The following NUFIP1 variants were observed in gnomAD, a reference collection of about 807,000 sequenced individuals.
The protein encoded by NUFIP1 is FMR1-interacting protein NUFIP1.
In NUFIP1, 38 loss-of-function variants were observed where a neutral mutation model predicts 56.2. That is an observed-to-expected ratio of 0.68 (90% CI 0.52 to 0.89). The LOEUF is 0.89. Among genes scored for constraint, NUFIP1 ranks in the 40% least tolerant of loss-of-function variants. The probability of loss-of-function intolerance (pLI) is 0.00; values close to 1 mark genes in which losing one functional copy is unlikely to be tolerated. For missense variants in NUFIP1, 567 were observed against 605.8 expected, an observed-to-expected ratio of 0.94 and a Z score of 0.67; for synonymous variants, 215 against 212.4, an observed-to-expected ratio of 1.01 and a Z score of -0.10.
chr13:44,945,491 C>T (rs964287382), intron 8 of NUFIP1, among the ~76,000 whole-genome samples: 10 of 151,896 alleles, frequency 6.6e-5, no homozygotes, highest in Non-Finnish European at 8.8e-5. Flanking sequence ...GGAAATAGAT[C>T]CCTACTCATA....
chr13:44,958,556 G>A (rs866426667), intron 7 of NUFIP1, among the ~76,000 whole-genome samples: 5 of 151,918 alleles, frequency 3.3e-5, no homozygotes, highest in Non-Finnish European at 5.9e-5. Flanking sequence ...CTTGCCACTC[G>A]TAAGTTCAAA....
At chr13:44,981,797 G>A (rs1227749566) in intron 2 of NUFIP1, among the ~76,000 whole-genome samples, 2 of 151,984 alleles carry the variant, frequency 1.3e-5, no homozygotes, top group East Asian at 3.8e-4. Flanking sequence ...GGGCGACAGA[G>A]TGAAACTCCA....
rs756095075 is a variant in NUFIP1 at position 44,979,866 on chromosome 13, A to G, written c.657+24T>C. 1.8e-5 allele frequency: 28 copies of G among 1,545,092 alleles called. No individual in the cohort carries two copies. The African/African-American group carries it at 3.6e-4, about 20-fold the overall frequency. On this transcript the variant is annotated intron_variant, in intron 4 of 9. Transcript: ENST00000379161. ...CAATAAAAAGAGCATGTATTTAAAA[A>G]TAGGATAAAAAAACAGAACTTACAT...
chr13:44,989,230 C>T lies in NUFIP1; in HGVS notation c.207G>A (p.Met69Ile). ...SKPSSESQPP[M>I]EAQSLPGAPP... ...GAGCCCCGGGGAGAGACTGGGCCTCCATGGGGGGCTGCGACTCAGAGGAAG... is the reference window on the plus strand; with the variant it reads ...GAGCCCCGGGGAGAGACTGGGCCTCTATGGGGGGCTGCGACTCAGAGGAAG... Residue 69 changes from methionine to isoleucine, a missense_variant, in exon 1 of 10, where the codon ATG (methionine) becomes ATA (isoleucine). Coordinates refer to ENST00000379161, the MANE Select transcript of NUFIP1 (RefSeq NM_012345.3). 1.2e-6 allele frequency: 2 copies of T among 1,612,388 alleles called. No individual in the cohort carries two copies. The highest frequency in any genetic ancestry group is 8.5e-7 in the Non-Finnish European group (1 of 1,179,300).
chr13:44,940,283 G>A lies in NUFIP1; in HGVS notation c.*923C>T, dbSNP rs1161601590. ...GTCTGTGACGTCACTAGGGTCACAT[G>A]CCAGGTGTTCCAAGATTCTGGAGAG... On this transcript the variant is annotated 3_prime_UTR_variant, in exon 10 of 10. Coordinates refer to ENST00000379161, the MANE Select transcript of NUFIP1 (RefSeq NM_012345.3). The A allele has an allele frequency of 6.6e-6, 1 of 152,162 alleles. No homozygotes were observed. Among genetic ancestry groups the A allele is most frequent in the Non-Finnish European group, 1.5e-5 (1 of 68,024 alleles). The allele number at this position is 152,162 out of a possible 1,614,324, so 9.4% of individuals were successfully genotyped here.
chr13:44,978,325 A>G (rs758091333), intron 5 of NUFIP1, among the ~76,000 whole-genome samples: 1 of 152,200 alleles, frequency 6.6e-6, no homozygotes, highest in Non-Finnish European at 1.5e-5. Flanking sequence ...CCTGCTGCTC[A>G]TAAGAGTCTG....
At chr13:44,979,668 T>C (rs1198908135) in intron 4 of NUFIP1, among the ~76,000 whole-genome samples, 1 of 152,190 alleles carries the variant, frequency 6.6e-6, no homozygotes, top group African/African-American at 2.4e-5. Context: ...AAGAATCAAT[T>C]CTCAGGCCTT....
chr13:44,946,756 T>C (rs548832990), intron 8 of NUFIP1, among the ~76,000 whole-genome samples: 1 of 152,302 alleles, frequency 6.6e-6, no homozygotes, highest in East Asian at 1.9e-4. Flanking sequence ...TTCCTATATA[T>C]TTAGAATCCA....
At chr13:44,973,475 C>T (rs1463785304) in intron 5 of NUFIP1, among the ~76,000 whole-genome samples, 1 of 152,130 alleles carries the variant, frequency 6.6e-6, no homozygotes, top group Admixed American at 6.5e-5. Context: ...GAATTATACC[C>T]ATAAGAAAAA....
At chr13:44,982,450 A>G (rs2137925653) in intron 1 of NUFIP1, among the ~76,000 whole-genome samples, 1 of 152,316 alleles carries the variant, frequency 6.6e-6, no homozygotes. Flanking sequence ...AAATATTAGA[A>G]ATGTAACCAG....
At chr13:44,984,300 T>C (rs1280062952) in intron 1 of NUFIP1, among the ~76,000 whole-genome samples, 2 of 152,220 alleles carry the variant, frequency 1.3e-5, no homozygotes, top group African/African-American at 2.4e-5. Context: ...ACATATCTCA[T>C]CTGACTCAGC....
At chr13:44,967,086 G>T (rs189614371) in intron 5 of NUFIP1, among the ~76,000 whole-genome samples, 94 of 152,096 alleles carry the variant, frequency 6.2e-4, no homozygotes, top group African/African-American at 2.2e-3. Context: ...ACCCAAGAGG[G>T]TATAAAGACT....
intron 5 of NUFIP1, 108 bp downstream of exon 5, chr13:44,979,082 G>T: frequency 1.2e-6 from 1 of 840,458 alleles, no homozygotes; most frequent in Non-Finnish European, 1.9e-6. Context: ...ATGCCTTATG[G>T]TCCTCTTCCC....
chr13:44,972,888 T>C (rs1197420775), intron 5 of NUFIP1, among the ~76,000 whole-genome samples: 1 of 152,230 alleles, frequency 6.6e-6, no homozygotes, highest in Non-Finnish European at 1.5e-5. Context: ...CAGCCACATA[T>C]AGCAAAATCT....
At chr13:44,942,208 T>C (rs1870764245) in intron 9 of NUFIP1, among the ~76,000 whole-genome samples, 1 of 152,238 alleles carries the variant, frequency 6.6e-6, no homozygotes, top group Non-Finnish European at 1.5e-5. Flanking sequence ...CTTCCAACAT[T>C]CCTTGACTTT....
At chr13:44,942,991 G>A (rs1870794873) in intron 9 of NUFIP1, among the ~76,000 whole-genome samples, 1 of 151,110 alleles carries the variant, frequency 6.6e-6, no homozygotes, top group South Asian at 2.1e-4. Flanking sequence ...AAAAAAATAG[G>A]TGGAGGAGGG....
chr13:44,980,646 T>G lies in NUFIP1; in HGVS notation c.594+76A>C, dbSNP rs759946177. 1.1e-4 allele frequency: 105 copies of G among 987,702 alleles called. No individual in the cohort carries two copies. In the Middle Eastern group the frequency reaches 1.6e-3, roughly 15 times the overall value. 61.2% of individuals were successfully genotyped at this position (987,702 alleles called of 1,614,324 possible). On this transcript the variant is annotated intron_variant, in intron 3 of 9. Coordinates refer to ENST00000379161, the MANE Select transcript of NUFIP1 (RefSeq NM_012345.3). The stretch of plus-strand genomic sequence containing the variant: ...CTATAAACTTTAAAGGAAAACAAGC[T>G]TGGCATTTCTACCAAATATACAGAT...
intron 7 of NUFIP1, among the ~76,000 whole-genome samples, chr13:44,955,332 A>C (rs1437723049): frequency 6.6e-6 from 1 of 152,246 alleles, no homozygotes; most frequent in Non-Finnish European, 1.5e-5. Context: ...AATTCAAAGT[A>C]GCTGCACAAT....
At chr13:44,974,129 A>G (rs1281749396) in intron 5 of NUFIP1, among the ~76,000 whole-genome samples, 1 of 152,234 alleles carries the variant, frequency 6.6e-6, no homozygotes, top group Non-Finnish European at 1.5e-5. Context: ...ACAAAACAAC[A>G]AATACAAAGA....
Sources: allele counts gnomAD v4.1 joint callset (sites outside exome capture counted in the v4.1 genomes callset), GRCh38; gene constraint gnomAD v4.1.1; transcripts MANE v1.5; gene names NCBI Gene and HGNC (gene_info 2026-07-23, HGNC 2026-07-21).